The following STARD13 variants were observed in gnomAD, a reference collection of about 807,000 sequenced individuals.
STARD13 encodes the protein StAR related lipid transfer domain containing 13.
Under a neutral mutation model 106.4 loss-of-function variants are expected in STARD13, and 62 were observed. The observed-to-expected ratio is 0.58, with a 90% CI of 0.48 to 0.72. The LOEUF is 0.72. STARD13 is among the 30% of genes least tolerant of loss of function. The pLI, the probability that STARD13 is intolerant of heterozygous loss-of-function variation, is 0.00. For missense variants in STARD13, 1,387 were observed against 1,424.0 expected, an observed-to-expected ratio of 0.97 and a Z score of 0.42; for synonymous variants, 565 against 553.0, an observed-to-expected ratio of 1.02 and a Z score of -0.31.
chr13:33,543,390 A>C, the STARD13 span, among the ~76,000 whole-genome samples: 5 of 152,212 alleles, frequency 3.3e-5, no homozygotes, highest in African/African-American at 1.2e-4. Context: ...CTCAATGTAG[A>C]TTCGTTTGCA....
At chr13:33,543,901 A>T in the STARD13 span, among the ~76,000 whole-genome samples, 49 of 152,356 alleles carry the variant, frequency 3.2e-4, no homozygotes, top group Middle Eastern at 6.8e-3. Context: ...TATACTGGTG[A>T]TACTAAGCCT....
rs193287615 is a variant in STARD13, at chr13:33,222,180, G to A, written c.170-54558C>T. On this transcript the variant is annotated intron_variant, in intron 1 of 13. Coordinates refer to ENST00000336934, the MANE Select transcript of STARD13 (RefSeq NM_178006.4). ...AAAGGGGCATTCTGACCTATGCTGCGACATGAGTGAAGCTTGAGAACATTA... is the reference window on the plus strand; with the variant it reads ...AAAGGGGCATTCTGACCTATGCTGCAACATGAGTGAAGCTTGAGAACATTA... Among the ~76,000 whole-genome samples, 370 of 152,064 alleles carry A rather than the reference G, an allele frequency of 2.4e-3. 4 individuals are homozygous for A. The highest frequency in any genetic ancestry group is 0.018 in the Admixed American group (279 of 15,248).
the STARD13 span, among the ~76,000 whole-genome samples, chr13:33,495,696 C>T: frequency 6.6e-6 from 1 of 151,366 alleles, no homozygotes; most frequent in Non-Finnish European, 1.5e-5. Context: ...CTCTGTTTTC[C>T]ATGCCTCTTT....
the STARD13 span, among the ~76,000 whole-genome samples, chr13:33,499,615 T>TC: frequency 0.025 from 2,074 of 83,272 alleles, 93 homozygotes; most frequent in Non-Finnish European, 0.034. Flanking sequence ...TTCTTCTTCT[T>TC]CTTCTTCTTC....
intron 1 of STARD13, among the ~76,000 whole-genome samples, chr13:33,263,667 C>T (rs930439809): frequency 6.6e-6 from 1 of 152,102 alleles, no homozygotes; most frequent in South Asian, 2.1e-4. Context: ...AGAATTGGTG[C>T]AATGCAGCTG....
intron 1 of STARD13, among the ~76,000 whole-genome samples, chr13:33,316,230 G>A (rs1477880632): frequency 6.6e-6 from 1 of 151,966 alleles, no homozygotes; most frequent in African/African-American, 2.4e-5. Flanking sequence ...CTCACATGTG[G>A]TTTCCTCTAT....
At position 33,159,201 on chromosome 13, in the gene STARD13, TC is replaced by T. The variant is rs148547009; in HGVS notation, c.323+6135del. On this transcript the variant is annotated intron_variant, in intron 3 of 13. Transcript: ENST00000336934. ...TGGACGAATCCTGCTACGGGCTATA[TC>T]ATGACAGGTCATGTGCTCTACAAGA... Among the ~76,000 whole-genome samples, 637 of 152,226 alleles carry T rather than the reference TC, an allele frequency of 4.2e-3. 15 individuals carry two copies. Among genetic ancestry groups the T allele is most frequent in the East Asian group, 3.1e-3 (16 of 5,182 alleles).
chr13:33,433,561 G>A, the STARD13 span, among the ~76,000 whole-genome samples: 21 of 152,102 alleles, frequency 1.4e-4, no homozygotes, highest in Non-Finnish European at 2.5e-4. Context: ...CTGCGTATGC[G>A]GAGGGGCCCC....
At chr13:33,256,762 T>C (rs997155253) in intron 1 of STARD13, among the ~76,000 whole-genome samples, 4 of 152,222 alleles carry the variant, frequency 2.6e-5, no homozygotes, top group Non-Finnish European at 4.4e-5. Flanking sequence ...TGTTGACTCA[T>C]TGCTGCTAAC....
the STARD13 span, among the ~76,000 whole-genome samples, chr13:33,579,879 C>T: frequency 1.3e-5 from 2 of 151,916 alleles, no homozygotes; most frequent in Admixed American, 6.6e-5. Context: ...TACCACTACA[C>T]ATCTATTAGA....
chr13:33,493,750 T>C, the STARD13 span, among the ~76,000 whole-genome samples: 1 of 152,152 alleles, frequency 6.6e-6, no homozygotes, highest in Non-Finnish European at 1.5e-5. Flanking sequence ...AGAAGACAAA[T>C]ATTGAAGTTA....
At chr13:33,362,901 C>T in the STARD13 span, among the ~76,000 whole-genome samples, 1 of 152,180 alleles carries the variant, frequency 6.6e-6, no homozygotes, top group Non-Finnish European at 1.5e-5. Context: ...GTGTTTGATA[C>T]ACAGTAGATG....
At chr13:33,444,836 C>G in the STARD13 span, among the ~76,000 whole-genome samples, 2 of 152,086 alleles carry the variant, frequency 1.3e-5, no homozygotes, top group African/African-American at 4.8e-5. Flanking sequence ...TGAGATCCCC[C>G]AGAAAGTGTT....
exon 1 of STARD13, chr13:33,350,335 C>T: frequency 6.5e-7 from 1 of 1,534,674 alleles, no homozygotes; most frequent in Non-Finnish European, 8.7e-7. Flanking sequence ...AGATCCCAGG[C>T]TCTGGCCGTG....
At chr13:33,577,228 A>T in the STARD13 span, among the ~76,000 whole-genome samples, 1 of 152,204 alleles carries the variant, frequency 6.6e-6, no homozygotes, top group Admixed American at 6.5e-5. Context: ...CAATTACATC[A>T]TGTTTTATCG....
At chr13:33,613,323 T>C in the STARD13 span, among the ~76,000 whole-genome samples, 4 of 152,240 alleles carry the variant, frequency 2.6e-5, no homozygotes, top group Admixed American at 1.3e-4. Context: ...CACCCGAAAC[T>C]CTGCTCTAAA....
At chr13:33,655,703 G>C in the STARD13 span, among the ~76,000 whole-genome samples, 1 of 152,168 alleles carries the variant, frequency 6.6e-6, no homozygotes, top group Non-Finnish European at 1.5e-5. Context: ...ATTCTATATA[G>C]TAACTGGAAC....
At chr13:33,161,016 G>A (rs1285156118) in intron 3 of STARD13, among the ~76,000 whole-genome samples, 2 of 152,164 alleles carry the variant, frequency 1.3e-5, no homozygotes, top group Non-Finnish European at 2.9e-5. Context: ...ACAACCAAAT[G>A]TTCTTCAACT....
At chr13:33,308,369 T>C (rs905406844) in intron 1 of STARD13, among the ~76,000 whole-genome samples, 4 of 152,136 alleles carry the variant, frequency 2.6e-5, no homozygotes, top group African/African-American at 9.7e-5. Context: ...GTTTATAGTA[T>C]ATATATATTT....
Sources: allele counts gnomAD v4.1 joint callset (sites outside exome capture counted in the v4.1 genomes callset), GRCh38; gene constraint gnomAD v4.1.1; transcripts MANE v1.5; gene names NCBI Gene and HGNC (gene_info 2026-07-23, HGNC 2026-07-21).